The following CSRNP3 variants were observed in gnomAD, a reference collection of about 807,000 sequenced individuals.
The protein encoded by CSRNP3 is cysteine/serine-rich nuclear protein 3.
In CSRNP3, 12 loss-of-function variants were observed where a neutral mutation model predicts 48.0. The ratio of observed to expected loss-of-function variants is 0.25; its 90% CI spans 0.16 to 0.41. The LOEUF is 0.41. Among genes scored for constraint, CSRNP3 ranks in the 10% least tolerant of loss-of-function variants. CSRNP3 has a pLI of 1.00. For missense variants in CSRNP3, 580 were observed against 724.4 expected (o/e 0.80, Z 2.29); for synonymous variants, 263 against 269.7 (o/e 0.98, Z 0.24).
chr2:165,541,763 A>C (rs1411964056), intron 3 of CSRNP3, among the ~76,000 whole-genome samples: 1 of 152,022 alleles, frequency 6.6e-6, no homozygotes, highest in Non-Finnish European at 1.5e-5. Context: ...AGTTGTTTCT[A>C]TCTCTCCTGT....
intron 5 of CSRNP3, among the ~76,000 whole-genome samples, chr2:165,671,770 T>C (rs1366916101): frequency 6.6e-6 from 1 of 152,214 alleles, no homozygotes; most frequent in East Asian, 1.9e-4. Context: ...TTTTCTCTTC[T>C]ATTGGATTGT....
chr2:165,658,096 A>T, intron 5 of CSRNP3, 76 bp downstream of exon 5: 1 of 1,478,560 alleles, frequency 6.8e-7, no homozygotes, highest in Non-Finnish European at 9.1e-7. Context: ...TTTCATATTT[A>T]TAATCACGAA....
intron 4 of CSRNP3, among the ~76,000 whole-genome samples, chr2:165,632,588 T>C (rs1351095666): frequency 6.6e-6 from 1 of 152,206 alleles, no homozygotes; most frequent in African/African-American, 2.4e-5. Flanking sequence ...AATGGGACTT[T>C]ACAGCTTTAC....
intron 2 of CSRNP3, among the ~76,000 whole-genome samples, chr2:165,510,593 C>G (rs184268491): frequency 1.3e-5 from 2 of 152,214 alleles, no homozygotes; most frequent in Non-Finnish European, 2.9e-5. Context: ...CAGCCATTTT[C>G]ACTAAGGAGC....
chr2:165,591,279 T>C (rs756151459), intron 3 of CSRNP3, among the ~76,000 whole-genome samples: 2 of 152,152 alleles, frequency 1.3e-5, no homozygotes, highest in African/African-American at 4.8e-5. Context: ...TTGAGAGAGA[T>C]GATTTAGGAT....
intron 2 of CSRNP3, among the ~76,000 whole-genome samples, chr2:165,496,529 A>G (rs975860413): frequency 1.2e-4 from 19 of 152,022 alleles, no homozygotes; most frequent in African/African-American, 4.1e-4. Context: ...TCCACTGGAT[A>G]TTCTTACCCT....
At chr2:165,537,731 C>T (rs561194171) in intron 3 of CSRNP3, among the ~76,000 whole-genome samples, 1 of 151,828 alleles carries the variant, frequency 6.6e-6, no homozygotes, top group Admixed American at 6.6e-5. Flanking sequence ...AGTTATCATA[C>T]TTCTTTTCTC....
At chr2:165,536,042 T>C (rs925128235) in intron 3 of CSRNP3, among the ~76,000 whole-genome samples, 1 of 151,838 alleles carries the variant, frequency 6.6e-6, no homozygotes, top group Admixed American at 6.6e-5. Flanking sequence ...TACTTTAAAA[T>C]AATGTTCTTA....
intron 3 of CSRNP3, among the ~76,000 whole-genome samples, chr2:165,585,824 G>C (rs190017141): frequency 6.6e-6 from 1 of 152,270 alleles, no homozygotes; most frequent in East Asian, 1.9e-4. Flanking sequence ...CTTTGTTAAT[G>C]ATCCTTGCAG....
At chr2:165,474,435 C>T (rs1683934621) in intron 1 of CSRNP3, among the ~76,000 whole-genome samples, 1 of 152,030 alleles carries the variant, frequency 6.6e-6, no homozygotes, top group African/African-American at 2.4e-5. Context: ...ATGTTTATGT[C>T]TTTAAACAAT....
intron 4 of CSRNP3, among the ~76,000 whole-genome samples, chr2:165,647,765 A>G (rs539678587): frequency 3.5e-4 from 54 of 152,272 alleles, no homozygotes; most frequent in African/African-American, 1.3e-3. Flanking sequence ...AAGATATTCA[A>G]TGCTTTGTTA....
At chr2:165,550,582 A>G (rs1685083755) in intron 3 of CSRNP3, among the ~76,000 whole-genome samples, 1 of 152,238 alleles carries the variant, frequency 6.6e-6, no homozygotes, top group Non-Finnish European at 1.5e-5. Context: ...AACAGAGCAA[A>G]CCAAAAAAAG....
At chr2:165,653,201 G>C (rs1193593372) in intron 4 of CSRNP3, among the ~76,000 whole-genome samples, 2 of 152,160 alleles carry the variant, frequency 1.3e-5, no homozygotes. Flanking sequence ...GACTTGGGTG[G>C]CTCTTAACTT....
intron 3 of CSRNP3, among the ~76,000 whole-genome samples, chr2:165,540,756 A>C (rs986080653): frequency 6.6e-6 from 1 of 151,964 alleles, no homozygotes; most frequent in African/African-American, 2.4e-5. Context: ...TAAAGCCTGA[A>C]CTCTGGGTTC....
At chr2:165,644,609 A>C (rs549483967) in intron 4 of CSRNP3, among the ~76,000 whole-genome samples, 1 of 152,234 alleles carries the variant, frequency 6.6e-6, no homozygotes, top group East Asian at 1.9e-4. Flanking sequence ...ACACGCTCAC[A>C]TTTTTATTAT....
At chr2:165,657,647 C>A in intron 4 of CSRNP3, 114 bp from the exon 5 acceptor site, 1 of 1,284,600 alleles carries the variant, frequency 7.8e-7, no homozygotes, top group African/African-American at 1.5e-5. Flanking sequence ...TTAGAGTGCC[C>A]TAGCCAACAA....
At chr2:165,659,255 G>C (rs1687059730) in intron 5 of CSRNP3, among the ~76,000 whole-genome samples, 1 of 152,144 alleles carries the variant, frequency 6.6e-6, no homozygotes, top group Admixed American at 6.5e-5. Flanking sequence ...GGTTATATTA[G>C]ACTGATGATG....
intron 3 of CSRNP3, among the ~76,000 whole-genome samples, chr2:165,568,069 C>T (rs114372512): frequency 0.012 from 1,900 of 152,138 alleles, 48 homozygotes; most frequent in African/African-American, 0.043. Context: ...TTTATCTAAA[C>T]AATTTTAAAT....
intron 3 of CSRNP3, chr2:165,574,033 G>T: frequency 1.2e-5 from 3 of 249,482 alleles, no homozygotes; most frequent in African/African-American, 2.2e-5. Flanking sequence ...CGTTAAAATC[G>T]TTTATCCATT....
Sources: gnomAD v4.1 joint callset for allele counts (sites outside exome capture counted in the v4.1 genomes callset) on GRCh38, gnomAD v4.1.1 for gene constraint, MANE v1.5 for transcripts, NCBI Gene and HGNC (gene_info 2026-07-23, HGNC 2026-07-21) for gene names.